ASCC2: variants seen among roughly 807,000 people sequenced by gnomAD.
ASCC2 encodes the protein activating signal cointegrator 1 complex subunit 2.
In ASCC2, 42 loss-of-function variants were observed where a neutral mutation model predicts 93.5. The observed-to-expected ratio is 0.45, with a 90% CI of 0.35 to 0.58. The LOEUF (loss-of-function observed/expected upper bound fraction) is 0.58, where lower values mean the gene tolerates loss of function less well. ASCC2 is among the 20% of genes least tolerant of loss of function. The pLI is 0.00. For missense variants in ASCC2, 859 were observed against 977.6 expected, an observed-to-expected ratio of 0.88 and a Z score of 1.62; for synonymous variants, 364 against 384.2, an observed-to-expected ratio of 0.95 and a Z score of 0.62.
At position 29,793,609 on chromosome 22, in the gene ASCC2, G is replaced by GC. The variant is rs2058055087; in HGVS notation, c.1755dup (p.Arg586AlafsTer30). ...ACCACCACGCTGTACTGCTCGTAGC[G>GC]CTGCCGCTGTGCCGCCACTGCACGC... is the stretch of plus-strand genomic sequence containing the variant. On this transcript the variant is annotated frameshift_variant, in exon 16 of 20. Coordinates refer to ENST00000307790, the MANE Select transcript of ASCC2 (RefSeq NM_032204.5). LOFTEE classifies it high-confidence loss of function. 1 of 1,608,368 alleles carries GC rather than the reference G, an allele frequency of 6.2e-7. No individual in the cohort carries two copies. The highest frequency in any genetic ancestry group is 2.2e-5 in the East Asian group (1 of 44,586).
At position 29,815,990 on chromosome 22, in the gene ASCC2, G is replaced by A. The variant is rs1230708945; in HGVS notation, c.609+16C>T. On this transcript the variant is annotated intron_variant, in intron 6 of 19. Transcript: ENST00000307790. ...TCCAAGCTCAACCTCCCCTGCGCAG[G>A]GCCAAGAGCTGGTACCTGAAGGATG... is the stretch of plus-strand genomic sequence containing the variant. 6.3e-6 allele frequency: 10 copies of A among 1,575,256 alleles called. No individual in the cohort carries two copies. Among genetic ancestry groups the A allele is most frequent in the Non-Finnish European group, 7.8e-6 (9 of 1,157,608 alleles).
intron 15 of ASCC2, among the ~76,000 whole-genome samples, chr22:29,795,528 A>G (rs1379134734): frequency 6.6e-6 from 1 of 152,162 alleles, no homozygotes; most frequent in Non-Finnish European, 1.5e-5. Context: ...GGGGTATAAG[A>G]AAAGGGGGTT....
chr22:29,805,074 G>T (rs2059523396), intron 12 of ASCC2, among the ~76,000 whole-genome samples: 1 of 152,180 alleles, frequency 6.6e-6, no homozygotes, highest in African/African-American at 2.4e-5. Context: ...CAGGGCCAGG[G>T]CTGCCATCAG....
rs368423719 is a variant in ASCC2, at chr22:29,789,154, G to A, written c.2133C>T (p.Ala711=). The change falls in exon 20 of 20, where the codon GCC becomes GCT. Residue 711 remains alanine, a synonymous_variant. Transcript: ENST00000307790. ...GYRHDSSTAV[A]GSPRGHGQSR... is the part of the protein sequence containing the mutation. ...TCTGCCCATGGCCTCGGGGGCTGCC[G>A]GCCACTGCTGTTGAGCTGTCATGCC... The A allele has an allele frequency of 2.9e-5, 46 of 1,614,012 alleles. No homozygotes were observed. The highest frequency in any genetic ancestry group is 1.6e-4 in the African/African-American group (12 of 74,924).
intron 4 of ASCC2, 130 bp downstream of exon 4, chr22:29,824,957 T>C: frequency 4.3e-6 from 4 of 932,178 alleles, no homozygotes; most frequent in Non-Finnish European, 4.5e-6. Flanking sequence ...TCCCCAACAG[T>C]GGGAATAAAG....
intron 2 of ASCC2, among the ~76,000 whole-genome samples, chr22:29,828,141 C>T (rs992895664): frequency 2.0e-4 from 31 of 152,190 alleles, no homozygotes; most frequent in Non-Finnish European, 3.8e-4. Flanking sequence ...GACGGCTTCC[C>T]AGAGCAAGCA....
rs999813736 is a variant in ASCC2 at position 29,832,107 on chromosome 22, A to G, written c.81+138T>C. 8.6e-6 allele frequency: 6 copies of G among 700,454 alleles called. No homozygotes were observed. The Admixed American group carries it at 1.6e-4, about 19-fold the overall frequency. 43.4% of individuals were successfully genotyped at this position (700,454 alleles called of 1,614,324 possible). A position where few individuals can be genotyped will look rare whatever the true frequency, so the allele number is the denominator to read the frequency against. On this transcript the variant is annotated intron_variant, in intron 2 of 19. Transcript: ENST00000307790. ...TCCTACTCTGGGCCTGGAAGAGACT[A>G]GTAGTGTCTCAGCTACTGAATCACC...
rs1395556099 is a variant in ASCC2, at chr22:29,825,040, A to AG, written c.411+46dup. ...CCCAGGGGTGGAGAGCCCGGCACAG[A>AG]GGTGTCGAGTATCGGGTGATGACCT... On this transcript the variant is annotated intron_variant, in intron 4 of 19. Coordinates refer to ENST00000307790, the MANE Select transcript of ASCC2 (RefSeq NM_032204.5). This position sits in a 1 kb window ranked among gnomAD's most constrained non-coding sequence, Gnocchi z 4.9. 3.0e-6 allele frequency: 4 copies of AG among 1,350,340 alleles called. No individual in the cohort carries two copies. Among genetic ancestry groups the AG allele is most frequent in the Non-Finnish European group, 3.9e-6 (4 of 1,027,552 alleles). The allele number at this position is 1,350,340 out of a possible 1,614,324, so 83.6% of individuals were successfully genotyped here. A position where few individuals can be genotyped will look rare whatever the true frequency, so the allele number is the denominator to read the frequency against.
intron 1 of ASCC2, among the ~76,000 whole-genome samples, chr22:29,832,937 A>AT (rs536746803): frequency 2.6e-3 from 401 of 151,994 alleles, no homozygotes; most frequent in Non-Finnish European, 2.9e-3. Context: ...GACAGGTTTT[A>AT]TTTTTTGATA....
intron 17 of ASCC2, among the ~76,000 whole-genome samples, chr22:29,792,870 G>C (rs2057937217): frequency 6.6e-6 from 1 of 152,192 alleles, no homozygotes; most frequent in East Asian, 1.9e-4. Context: ...AATGGACTGA[G>C]CGCGGTGGCT....
chr22:29,795,398 T>C (rs142618526), intron 15 of ASCC2, among the ~76,000 whole-genome samples: 37 of 152,252 alleles, frequency 2.4e-4, no homozygotes, highest in African/African-American at 8.7e-4. Flanking sequence ...CATTTTAAAA[T>C]TGTTATTCGT....
intron 2 of ASCC2, among the ~76,000 whole-genome samples, chr22:29,827,243 C>T (rs1279551388): frequency 2.0e-5 from 3 of 151,528 alleles, no homozygotes; most frequent in African/African-American, 7.3e-5. Context: ...TTGCCATGAA[C>T]AAACCTTACT....
intron 5 of ASCC2, among the ~76,000 whole-genome samples, chr22:29,821,549 T>C (rs998600125): frequency 2.0e-5 from 3 of 152,236 alleles, no homozygotes; most frequent in Non-Finnish European, 1.5e-5. Context: ...GAGGATCCAA[T>C]TGACATAACA....
intron 7 of ASCC2, 101 bp from the exon 8 acceptor site, chr22:29,813,643 C>A: frequency 1.3e-6 from 1 of 772,016 alleles, no homozygotes. Context: ...CCCAAACAGG[C>A]AGGATGTTAC....
chr22:29,817,700 T>A (rs2061023923), intron 5 of ASCC2, among the ~76,000 whole-genome samples: 1 of 152,202 alleles, frequency 6.6e-6, no homozygotes, highest in Admixed American at 6.5e-5. Context: ...CATGCATCAG[T>A]ATAGATCAAA....
intron 5 of ASCC2, 133 bp from the exon 6 acceptor site, chr22:29,816,206 C>G: frequency 1.4e-6 from 1 of 739,244 alleles, no homozygotes; most frequent in Non-Finnish European, 2.3e-6. Flanking sequence ...CAGCTAGGAC[C>G]TAGGACGAGT....
At position 29,810,498 on chromosome 22, in the gene ASCC2, G is replaced by A. The variant is rs189758069; in HGVS notation, c.834-2313C>T. 1.8e-3 allele frequency among the ~76,000 whole-genome samples: 275 copies of A among 152,306 alleles called. 1 individual carries two copies. The highest frequency in any genetic ancestry group is 0.01 in the Middle Eastern group (3 of 294). On this transcript the variant is annotated intron_variant, in intron 8 of 19. Coordinates refer to ENST00000307790, the MANE Select transcript of ASCC2 (RefSeq NM_032204.5). ...GAGGCAGGCCCTACTAGGCCCACAG[G>A]ATAGTCCAGAAAAATGACAGAGAGG...
At chr22:29,800,529 A>G (rs2058962038) in intron 15 of ASCC2, among the ~76,000 whole-genome samples, 1 of 152,192 alleles carries the variant, frequency 6.6e-6, no homozygotes, top group African/African-American at 2.4e-5. Context: ...TTCAATGCCA[A>G]AAAAGTAGGA....
intron 9 of ASCC2, 61 bp from the exon 10 acceptor site, chr22:29,806,965 G>T: frequency 7.4e-7 from 1 of 1,344,242 alleles, no homozygotes; most frequent in Non-Finnish European, 1.0e-6. Context: ...GGGGCCAGGT[G>T]CAGTGGTTTA....
Sources: allele counts gnomAD v4.1 joint callset (sites outside exome capture counted in the v4.1 genomes callset), GRCh38; gene constraint gnomAD v4.1.1; non-coding constraint Gnocchi (gnomAD v3.1); transcripts MANE v1.5; gene names NCBI Gene and HGNC (gene_info 2026-07-23, HGNC 2026-07-21).